KCNAB2: variants seen among roughly 807,000 people sequenced by gnomAD.
The protein encoded by KCNAB2 is voltage-gated potassium channel subunit beta-2.
KCNAB2 carries 29 observed loss-of-function variants against 63.6 expected under a neutral mutation model. The ratio of observed to expected loss-of-function variants is 0.46; its 90% CI spans 0.34 to 0.62. The LOEUF (loss-of-function observed/expected upper bound fraction) is 0.62, where lower values mean the gene tolerates loss of function less well. Among genes scored for constraint, KCNAB2 ranks in the 20% least tolerant of loss-of-function variants. The probability of loss-of-function intolerance (pLI) is 0.01; values close to 1 mark genes in which losing one functional copy is unlikely to be tolerated. For missense variants in KCNAB2, 359 were observed against 563.9 expected, an observed-to-expected ratio of 0.64 and a Z score of 3.68; for synonymous variants, 222 against 224.2, an observed-to-expected ratio of 0.99 and a Z score of 0.09.
At chr1:6,054,576 G>C (rs1397141031) in intron 2 of KCNAB2, among the ~76,000 whole-genome samples, 1 of 152,240 alleles carries the variant, frequency 6.6e-6, no homozygotes, top group Non-Finnish European at 1.5e-5. Flanking sequence ...GTTGCAGTGA[G>C]CCAAGATGGA....
At chr1:6,070,537 G>C (rs1663103210) in intron 2 of KCNAB2, among the ~76,000 whole-genome samples, 1 of 152,132 alleles carries the variant, frequency 6.6e-6, no homozygotes, top group Admixed American at 6.5e-5. Context: ...TGTATAAGGA[G>C]GAAAAAGGAA....
intron 5 of KCNAB2, among the ~76,000 whole-genome samples, chr1:6,083,732 G>A (rs907580717): frequency 5.4e-4 from 83 of 152,320 alleles, no homozygotes; most frequent in African/African-American, 1.9e-3. Context: ...TGGGGAGTTT[G>A]GGGGAGGCTG....
intron 2 of KCNAB2, among the ~76,000 whole-genome samples, chr1:6,065,253 G>T (rs1662647640): frequency 6.6e-6 from 1 of 152,220 alleles, no homozygotes; most frequent in Non-Finnish European, 1.5e-5. Flanking sequence ...TGCAGCGCCT[G>T]CCCAGGCCTC....
At chr1:6,095,234 G>T in intron 11 of KCNAB2, 89 bp from the exon 12 acceptor site, 1 of 1,397,894 alleles carries the variant, frequency 7.2e-7, no homozygotes, top group Non-Finnish European at 9.8e-7. Context: ...CTGCTCCGGG[G>T]ACACCTTGGT....
intron 1 of KCNAB2, among the ~76,000 whole-genome samples, chr1:6,037,785 A>G (rs948182070): frequency 9.9e-5 from 15 of 151,666 alleles, no homozygotes; most frequent in Admixed American, 6.6e-4. Context: ...CAGGGATTCA[A>G]TCACCCCAAA....
In KCNAB2 at chr1:6,096,749, G is replaced by T; in HGVS notation, c.1062G>T (p.Leu354=). 6.3e-7 allele frequency: 1 copy of T among 1,581,312 alleles called. No individual in the cohort carries two copies. The highest frequency in any genetic ancestry group is 8.6e-7 in the Non-Finnish European group (1 of 1,163,686). ...AERLGCTLPQ[L]AIAWCLRNEG... ...GCCTGGGCTGCACCCTGCCCCAGCT[G>T]GCCATAGGTAACGGTGGGGTCGCCA... Residue 354 remains leucine, a synonymous_variant, in exon 14 of 16, where the codon CTG becomes CTT. Coordinates refer to ENST00000378083, the MANE Select transcript of KCNAB2 (RefSeq NM_001199862.2). The surrounding 1 kb of genome is among the most constrained non-coding windows in gnomAD (Gnocchi z 5.9).
chr1:6,040,362 CGTCT>C (rs1391509637), intron 1 of KCNAB2, among the ~76,000 whole-genome samples: 3 of 152,118 alleles, frequency 2.0e-5, no homozygotes, highest in Admixed American at 1.3e-4. Context: ...GTCTGTCTGT[CGTCT>C]GTCTGTCTGT....
At chr1:6,081,165 G>C (rs1254241367) in intron 4 of KCNAB2, among the ~76,000 whole-genome samples, 1 of 152,258 alleles carries the variant, frequency 6.6e-6, no homozygotes. Flanking sequence ...AGCAAAGTCT[G>C]ATGCACAGCG....
At chr1:6,053,645 C>T (rs751915498) in intron 2 of KCNAB2, among the ~76,000 whole-genome samples, 1 of 152,084 alleles carries the variant, frequency 6.6e-6, no homozygotes, top group African/African-American at 2.4e-5. Context: ...GGACACAAGG[C>T]GATGATGCAG....
chr1:6,075,557 T>G (rs1663587195), intron 4 of KCNAB2, among the ~76,000 whole-genome samples: 4 of 152,214 alleles, frequency 2.6e-5, no homozygotes, highest in Admixed American at 2.6e-4. Context: ...ATTTTTGTAT[T>G]AATCCTATAG....
chr1:6,055,034 CAGG>C (rs1557460136), intron 2 of KCNAB2, among the ~76,000 whole-genome samples: 1 of 152,136 alleles, frequency 6.6e-6, no homozygotes, highest in African/African-American at 2.4e-5. Context: ...CCTGCCCCAA[CAGG>C]AGCCACGAGA....
At chr1:6,013,213 G>A (rs1658295941) in intron 1 of KCNAB2, among the ~76,000 whole-genome samples, 1 of 152,160 alleles carries the variant, frequency 6.6e-6, no homozygotes, top group Non-Finnish European at 1.5e-5. Flanking sequence ...CCTGTTCCGG[G>A]CATGAGGGAT....
At position 6,007,088 on chromosome 1, in the gene KCNAB2, G is replaced by A. The variant is rs574343797; in HGVS notation, c.-53+14300G>A. On this transcript the variant is annotated intron_variant, in intron 1 of 16. Transcript: ENST00000341524. ...AGTCAGCGCTTTCTGTCCCTGTGGCGGACAGTCCGACCTCTCCGAGGCTGC... is the reference window on the plus strand; with the variant it reads ...AGTCAGCGCTTTCTGTCCCTGTGGCAGACAGTCCGACCTCTCCGAGGCTGC... 7.6e-3 allele frequency among the ~76,000 whole-genome samples: 1,163 copies of A among 152,242 alleles called. 16 individuals carry two copies. The highest frequency in any genetic ancestry group is 0.025 in the African/African-American group (1,059 of 41,542).
At chr1:6,076,414 C>T (rs1363252725) in intron 4 of KCNAB2, among the ~76,000 whole-genome samples, 1 of 152,228 alleles carries the variant, frequency 6.6e-6, no homozygotes, top group African/African-American at 2.4e-5. Flanking sequence ...GTCTCCAGCC[C>T]TCCCATTGTT....
rs1163428866 is a variant in KCNAB2, at chr1:6,091,321, C to G, written c.646+14C>G. On this transcript the variant is annotated intron_variant, in intron 10 of 15. Coordinates refer to ENST00000378083, the MANE Select transcript of KCNAB2 (RefSeq NM_001199862.2). The stretch of plus-strand genomic sequence containing the variant: ...TCATCATAGAAGGTACACAGTGCCC[C>G]CAGCCTGACTATTGACTTCTGTGTC... 6.6e-7 allele frequency: 1 copy of G among 1,518,608 alleles called. No homozygotes were observed. Among genetic ancestry groups the G allele is most frequent in the South Asian group, 1.2e-5 (1 of 83,666 alleles). The allele number at this position is 1,518,608 out of a possible 1,614,324, so 94.1% of individuals were successfully genotyped here.
rs1663195278 is a variant in KCNAB2 at position 6,071,644 on chromosome 1, CA to C, written c.219-1110del. On this transcript the variant is annotated intron_variant, in intron 2 of 15. Transcript: ENST00000378083. The surrounding 1 kb of genome is among the most constrained non-coding windows in gnomAD (Gnocchi z 8.5). ...CAAGCAAGGCGCCTGCTGCGTAGGG[CA>C]CCTGCCGCTTAGGACTCCTGCCACC... is the stretch of plus-strand genomic sequence containing the variant. Among the ~76,000 whole-genome samples, 1 of 152,174 alleles carries C rather than the reference CA, an allele frequency of 6.6e-6. No individual in the cohort carries two copies. Among genetic ancestry groups the C allele is most frequent in the South Asian group, 2.1e-4 (1 of 4,834 alleles).
At chr1:6,064,694 G>C (rs551645497) in intron 2 of KCNAB2, among the ~76,000 whole-genome samples, 1 of 152,166 alleles carries the variant, frequency 6.6e-6, no homozygotes, top group East Asian at 1.9e-4. Flanking sequence ...CCTCAAGGAG[G>C]GGTGGGCTGT....
At position 6,040,296 on chromosome 1, in the gene KCNAB2, G is replaced by A. The variant is rs114775036; in HGVS notation, c.-52-221G>A. 2.8e-3 allele frequency among the ~76,000 whole-genome samples: 422 copies of A among 152,246 alleles called. 2 individuals carry two copies. Among genetic ancestry groups the A allele is most frequent in the African/African-American group, 9.7e-3 (401 of 41,544 alleles). ...ATGGAGTGTGGAAACCCTTCTCACA[G>A]TTGTCACCTGCTCTCCAGCCCCTCC... On this transcript the variant is annotated intron_variant, in intron 1 of 15. Transcript: ENST00000164247.
At chr1:6,063,577 T>C (rs1570998086) in intron 2 of KCNAB2, among the ~76,000 whole-genome samples, 1 of 151,998 alleles carries the variant, frequency 6.6e-6, no homozygotes. Context: ...AGCCAGCTAA[T>C]TTTTTGTATT....
Sources: allele counts gnomAD v4.1 joint callset (sites outside exome capture counted in the v4.1 genomes callset), GRCh38; gene constraint gnomAD v4.1.1; non-coding constraint Gnocchi (gnomAD v3.1); transcripts MANE v1.5; gene names NCBI Gene and HGNC (gene_info 2026-07-23, HGNC 2026-07-21).